CCDC81: variants seen among roughly 807,000 people sequenced by gnomAD.
CCDC81 encodes coiled-coil domain-containing protein 81.
CCDC81 carries 79 observed loss-of-function variants against 83.7 expected under a neutral mutation model. The observed-to-expected ratio is 0.94, with a 90% CI of 0.79 to 1.14. The LOEUF is 1.14. Ranked by LOEUF, CCDC81 falls within the 50% of genes most tolerant of loss-of-function variation. CCDC81 has a pLI of 0.00. For synonymous variants in CCDC81, 252 were observed against 278.1 expected (o/e 0.91, Z 0.93); for missense variants, 791 against 778.1 (o/e 1.02, Z -0.20).
In CCDC81 at chr11:86,408,159, A is replaced by G. The variant is rs1214758735; in HGVS notation, c.1002A>G (p.Gln334=). ...EMCYVCLQRA[Q]RNSLLYYSEE... Reference sequence around the variant, plus strand: ...GCTATGTATGTTTGCAACGAGCACAACGAAATTCCCTGTTGTACTACAGTG... The same window carrying G: ...GCTATGTATGTTTGCAACGAGCACAGCGAAATTCCCTGTTGTACTACAGTG... Residue 334 remains glutamine (Q), a synonymous_variant, in exon 9 of 15, where the codon CAA becomes CAG. Coordinates refer to ENST00000445632, the MANE Select transcript of CCDC81 (RefSeq NM_001156474.2). The G allele has an allele frequency of 6.2e-7, 1 of 1,613,958 alleles. No individual in the cohort carries two copies.
In CCDC81 at chr11:86,392,606, G is replaced by A; in HGVS notation, c.364G>A (p.Val122Ile). ...ISLEGPFNRD[V>I]VEGCVKETLL... ...CCTGGAGGGTCCATTTAACAGAGAT[G>A]TAGTGGAAGGATGTGTGAAGGAGAC... The change falls in exon 4 of 15, where the codon GTA (valine) becomes ATA (isoleucine). Residue 122 changes from valine to isoleucine, a missense_variant. Physicochemically the swap from Val to Ile is conservative, Grantham distance 29. Coordinates refer to ENST00000445632, the MANE Select transcript of CCDC81 (RefSeq NM_001156474.2). 6.4e-7 allele frequency: 1 copy of A among 1,551,700 alleles called. No homozygotes were observed.
At chr11:86,383,149 C>T (rs1323657522) in intron 1 of CCDC81, among the ~76,000 whole-genome samples, 1 of 152,104 alleles carries the variant, frequency 6.6e-6, no homozygotes, top group Non-Finnish European at 1.5e-5. Flanking sequence ...TCTTAGAAGG[C>T]CCTGTCATCA....
chr11:86,419,995 T>C lies in CCDC81; in HGVS notation c.1759T>C (p.Trp587Arg), dbSNP rs765495608. ...NRVNQCLQEDWERSAAMKKQR... is the reference protein window; with the variant it reads ...NRVNQCLQEDRERSAAMKKQR... ...AGTCAACCAATGCTTACAGGAGGAC[T>C]GGGAAAGGAGTGCTGCGATGAAGAA... Residue 587 changes from tryptophan to arginine, a missense_variant, in exon 14 of 15, where the codon TGG becomes CGG. Coordinates refer to ENST00000445632, the MANE Select transcript of CCDC81 (RefSeq NM_001156474.2). The C allele has an allele frequency of 1.2e-6, 2 of 1,613,876 alleles. No individual in the cohort carries two copies. Among genetic ancestry groups the C allele is most frequent in the Non-Finnish European group, 1.7e-6 (2 of 1,179,918 alleles).
intron 13 of CCDC81, among the ~76,000 whole-genome samples, chr11:86,417,236 CAA>C (rs35734072): frequency 1.5e-5 from 2 of 135,196 alleles, no homozygotes; most frequent in Non-Finnish European, 3.1e-5. Flanking sequence ...GAGATTGCCT[CAA>C]AAAAAAAAAA....
intron 9 of CCDC81, among the ~76,000 whole-genome samples, chr11:86,408,644 C>T (rs943035206): frequency 2.0e-5 from 3 of 152,092 alleles, no homozygotes; most frequent in African/African-American, 7.2e-5. Context: ...TGAGCCCAGC[C>T]TATAATGTAA....
chr11:86,402,239 A>G (rs1948502493), intron 7 of CCDC81, among the ~76,000 whole-genome samples: 1 of 152,112 alleles, frequency 6.6e-6, no homozygotes, highest in Non-Finnish European at 1.5e-5. Context: ...AAAAAGCAAG[A>G]GTTATAAAAA....
At chr11:86,406,603 G>A (rs956555011) in intron 7 of CCDC81, among the ~76,000 whole-genome samples, 2 of 152,076 alleles carry the variant, frequency 1.3e-5, no homozygotes, top group East Asian at 3.9e-4. Flanking sequence ...TCAGGAGTCC[G>A]AGACCAGCCT....
intron 11 of CCDC81, among the ~76,000 whole-genome samples, chr11:86,414,065 T>C (rs1442536874): frequency 6.6e-6 from 1 of 152,206 alleles, no homozygotes; most frequent in Non-Finnish European, 1.5e-5. Flanking sequence ...AAGTTACATA[T>C]AATAGAACCA....
intron 6 of CCDC81, among the ~76,000 whole-genome samples, chr11:86,400,268 A>G (rs1948469323): frequency 6.6e-6 from 1 of 152,172 alleles, no homozygotes; most frequent in African/African-American, 2.4e-5. Context: ...TGACCTCCAA[A>G]TGGGAGCTCT....
Position 86,414,785 on chromosome 11 carries a change from C to T in CCDC81, c.1392-4C>T, listed in dbSNP as rs199722578. 6.2e-7 allele frequency: 1 copy of T among 1,604,126 alleles called. No homozygotes were observed. The highest frequency in any genetic ancestry group is 8.5e-7 in the Non-Finnish European group (1 of 1,176,782). On this transcript the variant is annotated splice_region_variant and splice_polypyrimidine_tract_variant and intron_variant, in intron 11 of 14. Transcript: ENST00000445632. ...GTCCATCTTCTCTTGTTCTTAACTGCCAGACTTGCTGCGCAAAGAGCGAAA... is the reference window on the plus strand; with the variant it reads ...GTCCATCTTCTCTTGTTCTTAACTGTCAGACTTGCTGCGCAAAGAGCGAAA...
intron 1 of CCDC81, among the ~76,000 whole-genome samples, chr11:86,378,314 C>T (rs571319746): frequency 3.9e-5 from 6 of 152,088 alleles, no homozygotes; most frequent in African/African-American, 1.2e-4. Flanking sequence ...TACTTTAATC[C>T]CATTGTAATC....
At position 86,395,374 on chromosome 11, in the gene CCDC81, C is replaced by T; in HGVS notation, c.596C>T (p.Ala199Val). The T allele has an allele frequency of 6.2e-7, 1 of 1,614,008 alleles. No homozygotes were observed. Among genetic ancestry groups the T allele is most frequent in the South Asian group, 1.1e-5 (1 of 91,060 alleles). Residue 199 changes from alanine to valine, a missense_variant, in exon 5 of 15, where the codon GCC becomes GTC. Transcript: ENST00000445632. The stretch of plus-strand genomic sequence containing the variant: ...GACTCGGTGTTGTCTAGCAGAGAGG[C>T]CTTGAGGAAGTGGCCCAGCAGTGTG... ...TVDSVLSSREALRKWPSSVLA... is the reference protein window; with the variant it reads ...TVDSVLSSREVLRKWPSSVLA...
chr11:86,396,438 T>C (rs555842639), intron 5 of CCDC81, among the ~76,000 whole-genome samples: 1 of 152,296 alleles, frequency 6.6e-6, no homozygotes, highest in South Asian at 2.1e-4. Context: ...CATTAACCAC[T>C]GTGCATTTCA....
At position 86,397,705 on chromosome 11, in the gene CCDC81, G is replaced by T. The variant is rs1180987219; in HGVS notation, c.720G>T (p.Lys240Asn). ...ECGENRERKC[K>N]LKDQSDKEEG... ...GAGAGAATAGAGAAAGGAAGTGCAA[G>T]TTAAAAGACCAGTCAGACAAAGAAG... Residue 240 changes from lysine to asparagine, a missense_variant, in exon 6 of 15, where the codon AAG becomes AAT. Transcript: ENST00000445632. 6.2e-7 allele frequency: 1 copy of T among 1,613,752 alleles called. No homozygotes were observed. The highest frequency in any genetic ancestry group is 2.2e-5 in the East Asian group (1 of 44,882).
chr11:86,397,511 G>A (rs1948424561), intron 5 of CCDC81, 110 bp from the exon 6 acceptor site: 1 of 1,318,220 alleles, frequency 7.6e-7, no homozygotes, highest in African/African-American at 1.5e-5. Flanking sequence ...GAAGAAAGTG[G>A]GCTTATTTCA....
At chr11:86,420,521 G>T (rs1948775877) in intron 14 of CCDC81, among the ~76,000 whole-genome samples, 1 of 151,934 alleles carries the variant, frequency 6.6e-6, no homozygotes, top group Non-Finnish European at 1.5e-5. Context: ...CCAATCCTCA[G>T]CTTAAATATT....
chr11:86,403,881 G>T (rs1041827268), intron 7 of CCDC81, among the ~76,000 whole-genome samples: 4 of 152,316 alleles, frequency 2.6e-5, no homozygotes, highest in African/African-American at 9.6e-5. Context: ...CTTTAGCTTT[G>T]TTGGGGATTA....
chr11:86,397,945 G>A (rs1948432137), intron 6 of CCDC81, among the ~76,000 whole-genome samples: 1 of 151,864 alleles, frequency 6.6e-6, no homozygotes, highest in African/African-American at 2.4e-5. Flanking sequence ...CACCTCCCAG[G>A]TTCAAGCGAC....
chr11:86,409,544 C>T (rs11234641), intron 10 of CCDC81, among the ~76,000 whole-genome samples, 179 bp downstream of exon 10: 31,045 of 152,064 alleles, frequency 0.2, 3,714 homozygotes, highest in South Asian at 0.23. Context: ...CTCTGCCTCC[C>T]GGGTTCAAGT....
Sources: gnomAD v4.1 joint callset for allele counts (sites outside exome capture counted in the v4.1 genomes callset) on GRCh38, gnomAD v4.1.1 for gene constraint, MANE v1.5 for transcripts, NCBI Gene and HGNC (gene_info 2026-07-23, HGNC 2026-07-21) for gene names.